The following NDUFAF7 variants were observed in gnomAD, a reference collection of about 807,000 sequenced individuals.
NDUFAF7 encodes the protein protein arginine methyltransferase NDUFAF7, mitochondrial.
NDUFAF7 carries 48 observed loss-of-function variants against 47.2 expected under a neutral mutation model. The ratio of observed to expected loss-of-function variants is 1.02; its 90% confidence interval spans 0.81 to 1.29. The LOEUF is 1.29. Ranked by LOEUF, NDUFAF7 falls within the 50% of genes most tolerant of loss-of-function variation. The pLI, the probability that NDUFAF7 is intolerant of heterozygous loss-of-function variation, is 0.00. For missense variants in NDUFAF7, 635 were observed against 537.6 expected (o/e 1.18, Z -1.79); for synonymous variants, 217 against 190.0 (o/e 1.14, Z -1.17).
downstream of NDUFAF7, chr2:37,251,324 G>A (rs1318037626): frequency 6.6e-6 from 1 of 152,444 alleles, no homozygotes; most frequent in Non-Finnish European, 1.5e-5. Flanking sequence ...TGGTTGGGAG[G>A]GCTAAGGGTA....
downstream of NDUFAF7, among the ~76,000 whole-genome samples, chr2:37,255,708 C>T (rs746662736): frequency 4.6e-5 from 7 of 152,070 alleles, no homozygotes; most frequent in Non-Finnish European, 8.8e-5. Flanking sequence ...AGAATGAATA[C>T]TTAAGAAAAA....
intron 5 of NDUFAF7, chr2:37,242,328 C>A: frequency 3.5e-6 from 1 of 289,300 alleles, no homozygotes. Flanking sequence ...GCTGAGAAGC[C>A]CGATTTTATG....
At chr2:37,256,628 ATTTTTTTTTTTTTT>A (rs56389006), downstream of NDUFAF7, 147 of 1,202,264 alleles carry the variant, frequency 1.2e-4, no homozygotes, top group South Asian at 4.5e-4. Flanking sequence ...CATAGCCAAA[ATTTTTTTTTTTTTT>A]TTTTTTTTTT....
intron 3 of NDUFAF7, among the ~76,000 whole-genome samples, chr2:37,236,650 G>A (rs191603622): frequency 5.9e-5 from 9 of 151,878 alleles, no homozygotes; most frequent in East Asian, 3.9e-4. Flanking sequence ...GCGTGGTGGC[G>A]GTCGCCTGTA....
At chr2:37,268,619 T>C in the NDUFAF7 span, 1 of 261,358 alleles carries the variant, frequency 3.8e-6, no homozygotes, top group African/African-American at 2.3e-5. Context: ...GATGGAGAAA[T>C]AGGTACGGGG....
the NDUFAF7 span, chr2:37,259,557 T>G: frequency 6.4e-7 from 1 of 1,554,108 alleles, no homozygotes; most frequent in Non-Finnish European, 8.8e-7. Context: ...CCAGAATCAT[T>G]TAAAAGGTTC....
downstream of NDUFAF7, chr2:37,252,310 C>G (rs142854008): frequency 3.3e-5 from 5 of 152,306 alleles, no homozygotes; most frequent in East Asian, 7.7e-4. Flanking sequence ...AAGCCGAGAT[C>G]TGCACCTGCT....
chr2:37,267,638 T>C, the NDUFAF7 span: 2 of 902,078 alleles, frequency 2.2e-6, no homozygotes, highest in South Asian at 1.5e-5. Context: ...TTGAATTTTC[T>C]TTTTGGCTCA....
At chr2:37,256,008 T>G (rs530334150), downstream of NDUFAF7, among the ~76,000 whole-genome samples, 1 of 152,200 alleles carries the variant, frequency 6.6e-6, no homozygotes, top group Admixed American at 6.5e-5. Context: ...AGACCCCGTC[T>G]CAATAAAAAT....
chr2:37,233,879 C>T (rs974278926), intron 2 of NDUFAF7, among the ~76,000 whole-genome samples: 1 of 152,112 alleles, frequency 6.6e-6, no homozygotes, highest in Non-Finnish European at 1.5e-5. Flanking sequence ...TTTATTTTCA[C>T]TAACTTTCAA....
At chr2:37,265,747 T>C in the NDUFAF7 span, among the ~76,000 whole-genome samples, 10 of 152,286 alleles carry the variant, frequency 6.6e-5, no homozygotes, top group East Asian at 7.7e-4. Context: ...AGTATGAAAA[T>C]AGCATAGAGA....
chr2:37,247,996 C>G (rs1667105943), intron 9 of NDUFAF7, 139 bp from the exon 10 acceptor site: 2 of 757,768 alleles, frequency 2.6e-6, no homozygotes, highest in African/African-American at 1.7e-5. Context: ...AATAAGTACT[C>G]TATGATTCTC....
chr2:37,242,844 G>A (rs762216173), intron 6 of NDUFAF7, 151 bp downstream of exon 6: 42 of 594,810 alleles, frequency 7.1e-5, no homozygotes, highest in South Asian at 3.9e-4. Flanking sequence ...TAATTCAAAA[G>A]CAAAAAATGA....
downstream of NDUFAF7, chr2:37,253,150 C>T (rs750521855): frequency 6.0e-5 from 93 of 1,560,638 alleles, no homozygotes; most frequent in Non-Finnish European, 7.3e-5. Flanking sequence ...AAAATGAAAT[C>T]CTTCCTTATT....
At chr2:37,270,348 T>C in the NDUFAF7 span, among the ~76,000 whole-genome samples, 3 of 70,308 alleles carry the variant, frequency 4.3e-5, no homozygotes, top group African/African-American at 2.0e-4. Context: ...TCATTGATTT[T>C]TGGAAAAAAA....
intron 2 of NDUFAF7, among the ~76,000 whole-genome samples, chr2:37,235,097 G>T (rs1009283063): frequency 6.6e-6 from 1 of 152,092 alleles, no homozygotes; most frequent in African/African-American, 2.4e-5. Flanking sequence ...GCTCAGAAAA[G>T]GTGGCACTGG....
chr2:37,238,416 A>C (rs1469594663), intron 4 of NDUFAF7, among the ~76,000 whole-genome samples: 1 of 151,286 alleles, frequency 6.6e-6, no homozygotes, highest in African/African-American at 2.4e-5. Context: ...GCGCCATTGC[A>C]CTCCAGCCTG....
chr2:37,262,453 A>G, the NDUFAF7 span, among the ~76,000 whole-genome samples: 3 of 152,254 alleles, frequency 2.0e-5, no homozygotes, highest in Admixed American at 6.5e-5. Context: ...AATGCAAAAT[A>G]GACTTGTTTG....
chr2:37,243,822 A>G (rs776998684), intron 6 of NDUFAF7, 41 bp from the exon 7 acceptor site: 15 of 1,526,570 alleles, frequency 9.8e-6, no homozygotes, highest in Non-Finnish European at 1.3e-5. Flanking sequence ...GTAGAGAACA[A>G]ACTTGCAAAA....
Sources: gnomAD v4.1 joint callset for allele counts (sites outside exome capture counted in the v4.1 genomes callset) on GRCh38, gnomAD v4.1.1 for gene constraint, MANE v1.5 for transcripts, NCBI Gene and HGNC (gene_info 2026-07-23, HGNC 2026-07-21) for gene names.